TMEM230: variants seen among roughly 807,000 people sequenced by gnomAD.
TMEM230 encodes UPF0414 transmembrane protein C20orf30.
A neutral mutation model predicts 15.8 loss-of-function variants in TMEM230; 10 were observed. The ratio of observed to expected loss-of-function variants is 0.63; its 90% confidence interval spans 0.39 to 1.07. The LOEUF (loss-of-function observed/expected upper bound fraction) is 1.07, where lower values mean the gene tolerates loss of function less well. TMEM230 is among the 50% of genes least tolerant of loss of function. The pLI is 0.01. For missense variants in TMEM230, 165 were observed against 193.3 expected (o/e 0.85, Z 0.87); for synonymous variants, 67 against 76.9 (o/e 0.87, Z 0.68).
chr20:5,068,994 G>A lies in TMEM230; in HGVS notation c.*194C>T, dbSNP rs944853512. 9 of 564,036 alleles carry A rather than the reference G, an allele frequency of 1.6e-5. No individual in the cohort carries two copies. In the Admixed American group the frequency reaches 2.7e-4, roughly 17 times the overall value. The allele number at this position is 564,036 out of a possible 1,614,324, so 34.9% of individuals were successfully genotyped here. ...ATTCACAAGAGGAGTTGCATAGGGGGTAGAGGGCAGCTGGAATTCCTTTGG... is the reference window on the plus strand; with the variant it reads ...ATTCACAAGAGGAGTTGCATAGGGGATAGAGGGCAGCTGGAATTCCTTTGG... On this transcript the variant is annotated 3_prime_UTR_variant, in exon 4 of 4. Coordinates refer to the TMEM230 transcript ENST00000612323.
chr20:5,073,811 A>G (rs560845971), intron 3 of TMEM230, among the ~76,000 whole-genome samples: 64 of 152,356 alleles, frequency 4.2e-4, no homozygotes, highest in Admixed American at 9.2e-4. Context: ...CAGACACCGG[A>G]AGAACTCTCT....
the TMEM230 span, among the ~76,000 whole-genome samples, chr20:5,060,267 A>G: frequency 6.6e-6 from 1 of 151,972 alleles, no homozygotes; most frequent in Non-Finnish European, 1.5e-5. Flanking sequence ...CACATCCCCA[A>G]ATAATATAGG....
intron 4 of TMEM230, among the ~76,000 whole-genome samples, chr20:5,101,832 T>G (rs1038594175): frequency 6.6e-6 from 1 of 152,180 alleles, no homozygotes; most frequent in African/African-American, 2.4e-5. Flanking sequence ...CCAACTACTT[T>G]AGGTTTCTAA....
intron 3 of TMEM230, among the ~76,000 whole-genome samples, chr20:5,090,832 T>C (rs991630889): frequency 4.6e-5 from 7 of 152,156 alleles, no homozygotes; most frequent in Non-Finnish European, 7.3e-5. Context: ...CCACTAGATA[T>C]AGTCAATTGA....
chr20:5,110,728 CA>C (rs1349750270), intron 2 of TMEM230, among the ~76,000 whole-genome samples: 2 of 151,954 alleles, frequency 1.3e-5, no homozygotes, highest in African/African-American at 4.8e-5. Context: ...TAATATCTTA[CA>C]AAAAATTTTA....
At chr20:5,080,780 G>A (rs763141986) in intron 3 of TMEM230, among the ~76,000 whole-genome samples, 10 of 152,222 alleles carry the variant, frequency 6.6e-5, no homozygotes, top group Admixed American at 2.6e-4. Context: ...GGCCTCAGGC[G>A]ATCCACTCAC....
chr20:5,103,925 C>T (rs2089972595), intron 4 of TMEM230, among the ~76,000 whole-genome samples: 1 of 152,022 alleles, frequency 6.6e-6, no homozygotes, highest in Non-Finnish European at 1.5e-5. Flanking sequence ...GCAACCAAAA[C>T]AAAAACAGAT....
intron 3 of TMEM230, among the ~76,000 whole-genome samples, chr20:5,107,998 C>T (rs1249237633): frequency 1.3e-5 from 2 of 151,764 alleles, no homozygotes; most frequent in African/African-American, 4.8e-5. Context: ...TGTAATCCCC[C>T]AGCTACTAGG....
At chr20:5,066,670 C>CA (rs71332869), downstream of TMEM230, among the ~76,000 whole-genome samples, 19,507 of 90,532 alleles carry the variant, frequency 0.22, 1,792 homozygotes, top group African/African-American at 0.33. Flanking sequence ...GACTCTGTCT[C>CA]AAAAAAAAAA....
At chr20:5,080,323 CTTTG>C (rs1180953760) in intron 3 of TMEM230, among the ~76,000 whole-genome samples, 1 of 152,160 alleles carries the variant, frequency 6.6e-6, no homozygotes, top group Non-Finnish European at 1.5e-5. Context: ...AGTTGCTCAT[CTTTG>C]TTTCTTTCCT....
chr20:5,069,259 T>A, exon 4 of TMEM230: 1 of 1,536,004 alleles, frequency 6.5e-7, no homozygotes, highest in Non-Finnish European at 8.7e-7. Flanking sequence ...TCGGGACTCC[T>A]CCCACTGATG....
intron 3 of TMEM230, among the ~76,000 whole-genome samples, chr20:5,072,921 G>A (rs1461859999): frequency 6.6e-6 from 1 of 151,026 alleles, no homozygotes; most frequent in African/African-American, 2.4e-5. Context: ...TGAGAAACAG[G>A]AGCCAAACAG....
chr20:5,106,433 C>T (rs559062366), intron 3 of TMEM230, 123 bp from the exon 3 acceptor site: 151 of 1,235,578 alleles, frequency 1.2e-4, no homozygotes, highest in Non-Finnish European at 1.5e-4. Context: ...GATGGAGTTT[C>T]GTTCTTGTTG....
intron 3 of TMEM230, among the ~76,000 whole-genome samples, chr20:5,090,189 A>G (rs1320937957): frequency 1.3e-5 from 2 of 152,216 alleles, no homozygotes; most frequent in Non-Finnish European, 2.9e-5. Context: ...TATGAGTGAA[A>G]TAAATTATCA....
chr20:5,073,415 C>T (rs1041261091), intron 3 of TMEM230, among the ~76,000 whole-genome samples: 2 of 152,216 alleles, frequency 1.3e-5, no homozygotes. Flanking sequence ...GTGGCTCACA[C>T]TGAGGGAACT....
At position 5,100,929 on chromosome 20, in the gene TMEM230, C is replaced by A. The variant is rs1168196139; in HGVS notation, c.414G>T (p.Gly138=). The A allele has an allele frequency of 6.2e-7, 1 of 1,613,986 alleles. No individual in the cohort carries two copies. Among genetic ancestry groups the A allele is most frequent in the South Asian group, 1.1e-5 (1 of 91,070 alleles). Residue 138 remains glycine (G), a splice_region_variant and synonymous_variant, in exon 5 of 5, where the codon GGG becomes GGT. Coordinates refer to ENST00000342308, the MANE Select transcript of TMEM230 (RefSeq NM_001009923.2). ...TCAGCACTGGAACGGCCCGGTCTGC[C>A]CCCTGGTGGCAGAAGGAGGCAAACA... is the stretch of plus-strand genomic sequence containing the variant.
At chr20:5,096,427 G>A (rs1246881109), downstream of TMEM230, among the ~76,000 whole-genome samples, 2 of 152,166 alleles carry the variant, frequency 1.3e-5, no homozygotes, top group African/African-American at 4.8e-5. Context: ...GGAGCCTATG[G>A]GACTGAATCT....
At chr20:5,105,693 A>G (rs1487565804) in intron 4 of TMEM230, among the ~76,000 whole-genome samples, 1 of 152,168 alleles carries the variant, frequency 6.6e-6, no homozygotes, top group Non-Finnish European at 1.5e-5. Flanking sequence ...CTGTATCAAA[A>G]TACCTCATGT....
intron 3 of TMEM230, among the ~76,000 whole-genome samples, chr20:5,080,472 C>T (rs1251027159): frequency 3.3e-5 from 5 of 152,156 alleles, no homozygotes; most frequent in African/African-American, 7.2e-5. Flanking sequence ...CAGCAGCTAG[C>T]GTGTTCAGTG....
Sources: gnomAD v4.1 joint callset for allele counts (sites outside exome capture counted in the v4.1 genomes callset) on GRCh38, gnomAD v4.1.1 for gene constraint, MANE v1.5 for transcripts, NCBI Gene and HGNC (gene_info 2026-07-23, HGNC 2026-07-21) for gene names.